PRKAR2A: variants seen among roughly 807,000 people sequenced by gnomAD.
PRKAR2A encodes the protein cAMP-dependent protein kinase type II-alpha regulatory subunit.
PRKAR2A carries 29 observed loss-of-function variants against 51.9 expected under a neutral mutation model. That is an observed-to-expected ratio of 0.56 (90% CI 0.42 to 0.76). The LOEUF is 0.76. Ranked by LOEUF, PRKAR2A falls within the 30% of genes least tolerant of loss-of-function variation. The pLI is 0.00. For missense variants in PRKAR2A, 445 were observed against 512.1 expected (o/e 0.87, Z 1.26); for synonymous variants, 178 against 186.2 (o/e 0.96, Z 0.36).
chr3:48,778,168 T>A (rs1416289269), intron 5 of PRKAR2A, among the ~76,000 whole-genome samples: 1 of 152,178 alleles, frequency 6.6e-6, no homozygotes, highest in Non-Finnish European at 1.5e-5. Flanking sequence ...TCTTTCTTTT[T>A]TGTTTTGTAG....
intron 4 of PRKAR2A, among the ~76,000 whole-genome samples, chr3:48,786,580 G>A (rs1028529457): frequency 2.2e-4 from 33 of 149,470 alleles, no homozygotes; most frequent in African/African-American, 6.1e-4. Context: ...GGCGAATCAC[G>A]AGGTCAGGAG....
intron 1 of PRKAR2A, among the ~76,000 whole-genome samples, chr3:48,809,607 A>G (rs947731688): frequency 6.6e-6 from 1 of 150,466 alleles, no homozygotes; most frequent in African/African-American, 2.4e-5. Context: ...AAAAAAAAAA[A>G]AAAAAAAAAA....
chr3:48,822,881 T>C (rs144480634), intron 1 of PRKAR2A, among the ~76,000 whole-genome samples: 6 of 152,214 alleles, frequency 3.9e-5, no homozygotes, highest in East Asian at 3.9e-4. Flanking sequence ...AAGGGAAGAA[T>C]TGAGTGGAGG....
intron 1 of PRKAR2A, among the ~76,000 whole-genome samples, chr3:48,813,132 C>T (rs138366551): frequency 1.3e-4 from 20 of 151,460 alleles, no homozygotes; most frequent in African/African-American, 2.9e-4. Context: ...TGAAGTTGTC[C>T]GCCGGGCATA....
intron 1 of PRKAR2A, among the ~76,000 whole-genome samples, chr3:48,809,939 G>A (rs1425287027): frequency 1.3e-5 from 2 of 151,934 alleles, no homozygotes; most frequent in Admixed American, 6.6e-5. Context: ...AATTCCATCT[G>A]TTCTCCCTCC....
chr3:48,781,117 T>TGC (rs2082188790), intron 5 of PRKAR2A, among the ~76,000 whole-genome samples: 1 of 148,710 alleles, frequency 6.7e-6, no homozygotes, highest in Non-Finnish European at 1.5e-5. Flanking sequence ...ACCACAGGCG[T>TGC]GCACCACCAT....
intron 1 of PRKAR2A, among the ~76,000 whole-genome samples, chr3:48,835,805 G>C (rs1359685162): frequency 6.6e-6 from 1 of 151,610 alleles, no homozygotes; most frequent in Non-Finnish European, 1.5e-5. Flanking sequence ...AAAATTCTAG[G>C]GACCCAAAAT....
intron 9 of PRKAR2A, among the ~76,000 whole-genome samples, chr3:48,753,900 C>CTT (rs11389036): frequency 0.023 from 3,142 of 136,698 alleles, 103 homozygotes; most frequent in African/African-American, 0.03. Context: ...CTATTGTTTT[C>CTT]TTTTTTTTTT....
chr3:48,764,883 CCGAAGTGTTGGG>C, intron 8 of PRKAR2A, 109 bp downstream of exon 8: 7 of 807,392 alleles, frequency 8.7e-6, no homozygotes, highest in Non-Finnish European at 1.4e-5. Flanking sequence ...CCTCAGCCTC[CCGAAGTGTTGGG>C]ATTACAGGCG....
chr3:48,821,484 T>G (rs2082959489), intron 1 of PRKAR2A, among the ~76,000 whole-genome samples: 1 of 152,066 alleles, frequency 6.6e-6, no homozygotes, highest in South Asian at 2.1e-4. Context: ...GAGATATGAG[T>G]TCTTGAGAGA....
downstream of PRKAR2A, among the ~76,000 whole-genome samples, chr3:48,745,738 C>T (rs2081556309): frequency 6.6e-6 from 1 of 151,874 alleles, no homozygotes; most frequent in African/African-American, 2.4e-5. Context: ...TGGGTTTCAC[C>T]ATGTTGGCCA....
intron 5 of PRKAR2A, among the ~76,000 whole-genome samples, chr3:48,782,438 C>CTT (rs796833465): frequency 3.4e-5 from 5 of 145,328 alleles, no homozygotes; most frequent in African/African-American, 7.6e-5. Context: ...AGGAGACTTT[C>CTT]TTTTTTTTTT....
chr3:48,776,472 G>A (rs1052830812), intron 5 of PRKAR2A, among the ~76,000 whole-genome samples: 1 of 152,022 alleles, frequency 6.6e-6, no homozygotes, highest in African/African-American at 2.4e-5. Context: ...TATATATCAT[G>A]GAGTCATTAA....
At chr3:48,780,227 A>C (rs2082172407) in intron 5 of PRKAR2A, among the ~76,000 whole-genome samples, 1 of 152,096 alleles carries the variant, frequency 6.6e-6, no homozygotes, top group South Asian at 2.1e-4. Flanking sequence ...AAGTATTAGC[A>C]TAAAAGATGA....
At chr3:48,756,802 G>C (rs1429057575) in intron 8 of PRKAR2A, among the ~76,000 whole-genome samples, 1 of 152,204 alleles carries the variant, frequency 6.6e-6, no homozygotes, top group Non-Finnish European at 1.5e-5. Flanking sequence ...CTCTCACTCT[G>C]TGTGGGTCTT....
chr3:48,847,707 CCCGGCTCACGTCGCGCCGCTCTTTGG>C lies in PRKAR2A; in HGVS notation c.-137_-112del. 9.1e-7 allele frequency: 1 copy of C among 1,094,616 alleles called. No individual in the cohort carries two copies. The highest frequency in any genetic ancestry group is 3.2e-5 in the East Asian group (1 of 31,004). 67.8% of individuals were successfully genotyped at this position (1,094,616 alleles called of 1,614,324 possible). On this transcript the variant is annotated 5_prime_UTR_variant, in exon 1 of 11. Coordinates refer to ENST00000265563, the MANE Select transcript of PRKAR2A (RefSeq NM_004157.4). The surrounding 1 kb of genome is among the most constrained non-coding windows in gnomAD (Gnocchi z 4.4). ...CCCGCGAGGTCTCTTCGCGCACGGCCCCGGCTCACGTCGCGCCGCTCTTTGGCCGGCTCTGCGTTTCCGGGCCGCGC... is the reference window on the plus strand; with the variant it reads ...CCCGCGAGGTCTCTTCGCGCACGGCCCCGGCTCTGCGTTTCCGGGCCGCGC...
intron 1 of PRKAR2A, among the ~76,000 whole-genome samples, chr3:48,830,509 C>G (rs981340761): frequency 6.6e-6 from 1 of 152,200 alleles, no homozygotes; most frequent in South Asian, 2.1e-4. Flanking sequence ...TACAGTATAA[C>G]TAAATACATA....
chr3:48,782,681 C>T (rs981369611), intron 5 of PRKAR2A, among the ~76,000 whole-genome samples: 2 of 152,084 alleles, frequency 1.3e-5, no homozygotes, highest in African/African-American at 4.8e-5. Flanking sequence ...GTCTCAAACC[C>T]CTCACCTCAA....
chr3:48,812,161 A>T (rs2082783785), intron 1 of PRKAR2A, among the ~76,000 whole-genome samples: 2 of 152,192 alleles, frequency 1.3e-5, no homozygotes, highest in Admixed American at 6.5e-5. Flanking sequence ...AAGTCCTTCA[A>T]CATGAGTCAT....
Sources: gnomAD v4.1 joint callset for allele counts (sites outside exome capture counted in the v4.1 genomes callset) on GRCh38, gnomAD v4.1.1 for gene constraint, Gnocchi (gnomAD v3.1) non-coding constraint, MANE v1.5 for transcripts, NCBI Gene and HGNC (gene_info 2026-07-23, HGNC 2026-07-21) for gene names.